SLFN5: variants seen among roughly 807,000 people sequenced by gnomAD.
The protein encoded by SLFN5 is schlafen family member 5.
A neutral mutation model predicts 48.5 loss-of-function variants in SLFN5; 34 were observed. That is an observed-to-expected ratio of 0.70 (90% CI 0.53 to 0.93). The LOEUF (loss-of-function observed/expected upper bound fraction) is 0.93. Ranked by LOEUF, SLFN5 falls within the 40% of genes least tolerant of loss-of-function variation. The pLI is 0.00. For missense variants in SLFN5, 1,006 were observed against 1,071.3 expected, an observed-to-expected ratio of 0.94 and a Z score of 0.85; for synonymous variants, 387 against 396.2, an observed-to-expected ratio of 0.98 and a Z score of 0.28.
At position 35,265,168 on chromosome 17, in the gene SLFN5, G is replaced by C; in HGVS notation, c.1956G>C (p.Gln652His). 1.9e-6 allele frequency: 3 copies of C among 1,614,174 alleles called. No individual in the cohort carries two copies. Among genetic ancestry groups the C allele is most frequent in the Non-Finnish European group, 2.5e-6 (3 of 1,180,026 alleles). The change falls in exon 5 of 5, where the codon CAG (glutamine) becomes CAC (histidine). Residue 652 changes from glutamine to histidine, a missense_variant. Physicochemically the swap from Gln to His is conservative, Grantham distance 24. Coordinates refer to ENST00000299977, the MANE Select transcript of SLFN5 (RefSeq NM_144975.4). ...HIQHIIIDDA[Q>H]NFRTEDGDWY... Reference sequence around the variant, plus strand: ...AGCACATTATCATTGATGACGCTCAGAATTTCCGTACTGAAGATGGGGACT... The same window carrying C: ...AGCACATTATCATTGATGACGCTCACAATTTCCGTACTGAAGATGGGGACT...
In SLFN5 at chr17:35,261,142, T is replaced by G. The variant is rs186973874; in HGVS notation, c.1138+46T>G. The G allele has an allele frequency of 4.0e-4, 629 of 1,590,228 alleles. 3 individuals are homozygous for G. The East Asian group carries it at 0.012, about 30-fold the overall frequency. ...GCTTTGGAATATGTTGATTGTTCAT[T>G]CATATAAAAAATTGACTCCTACTTT... On this transcript the variant is annotated intron_variant, in intron 3 of 4. Coordinates refer to ENST00000299977, the MANE Select transcript of SLFN5 (RefSeq NM_144975.4).
intron 1 of SLFN5, among the ~76,000 whole-genome samples, chr17:35,251,169 G>C (rs140575984): frequency 6.6e-6 from 1 of 152,170 alleles, no homozygotes; most frequent in Non-Finnish European, 1.5e-5. Flanking sequence ...CTATTTGTGC[G>C]AGAGCGATGT....
At chr17:35,244,135 A>G (rs779378154) in intron 1 of SLFN5, among the ~76,000 whole-genome samples, 2 of 152,164 alleles carry the variant, frequency 1.3e-5, no homozygotes, top group Non-Finnish European at 2.9e-5. Context: ...CTCCTGCTTG[A>G]CAAAGAAACG....
chr17:35,251,703 CTTTTTT>C lies in SLFN5; in HGVS notation c.-40-6926_-40-6921del, dbSNP rs34854448. Among the ~76,000 whole-genome samples the C allele has an allele frequency of 4.0e-4, 34 of 84,990 alleles. 1 individual carries two copies. The highest frequency in any genetic ancestry group is 2.4e-3 in the South Asian group (5 of 2,076). 55.8% of individuals were successfully genotyped at this position (84,990 alleles called of 152,430 possible). ...ACAGGCATGAGCCATGGCGCCCGGA[CTTTTTT>C]TTTTTTTTTTTTTTTTTTTTTAAAG... On this transcript the variant is annotated intron_variant, in intron 1 of 4. Coordinates refer to ENST00000299977, the MANE Select transcript of SLFN5 (RefSeq NM_144975.4).
Position 35,264,453 on chromosome 17 carries a change from T to C in SLFN5, c.1409T>C (p.Val470Ala). The change falls in exon 4 of 5, where the codon GTT (valine) becomes GCT (alanine). Residue 470 changes from valine to alanine, a missense_variant. Val to Ala is a moderately conservative substitution (Grantham distance 64, BLOSUM62 0). Transcript: ENST00000299977. ...GGGTGCAAGGGCTATTCTATGATAG[T>C]TGCCTATTCTTTGAAGCAGAAGCTG... is the stretch of plus-strand genomic sequence containing the variant. ...DAGCKGYSMIVAYSLKQKLVN... is the reference protein window; with the variant it reads ...DAGCKGYSMIAAYSLKQKLVN... The C allele has an allele frequency of 6.2e-7, 1 of 1,614,156 alleles. No homozygotes were observed. Among genetic ancestry groups the C allele is most frequent in the Non-Finnish European group, 8.5e-7 (1 of 1,180,032 alleles).
At chr17:35,243,715 A>C (rs1185030761) in intron 1 of SLFN5, among the ~76,000 whole-genome samples, 2 of 152,186 alleles carry the variant, frequency 1.3e-5, no homozygotes, top group Non-Finnish European at 2.9e-5. Context: ...AGTTGGTCAT[A>C]TCCGCAGTGG....
chr17:35,261,158 C>G, intron 3 of SLFN5, 62 bp downstream of exon 3: 1 of 1,575,346 alleles, frequency 6.3e-7, no homozygotes, highest in South Asian at 1.1e-5. Context: ...AAAAAATTGA[C>G]TCCTACTTTA....
rs1247921609 is a variant in SLFN5 at position 35,264,606 on chromosome 17, TGACC to T, written c.1563_1566del (p.Met521IlefsTer13). On this transcript the variant is annotated frameshift_variant, in exon 4 of 5. Coordinates refer to ENST00000299977, the MANE Select transcript of SLFN5 (RefSeq NM_144975.4). LOFTEE classifies it high-confidence loss of function. ...ATTTACCCTGAATCCTATAACTTCA[TGACC>T]CCCCAGCACATGGAAGCCCTGTTAC... 1 of 1,614,110 alleles carries T rather than the reference TGACC, an allele frequency of 6.2e-7. No individual in the cohort carries two copies. Among genetic ancestry groups the T allele is most frequent in the African/African-American group, 1.3e-5 (1 of 74,942 alleles).
rs1053760431 is a variant in SLFN5, at chr17:35,267,064, T to C, written c.*1176T>C. ...GAATTGGTTTATTTCTGGCAGCTACTTACAATATTAAGAACTTTACTTTTT... is the reference window on the plus strand; with the variant it reads ...GAATTGGTTTATTTCTGGCAGCTACCTACAATATTAAGAACTTTACTTTTT... On this transcript the variant is annotated 3_prime_UTR_variant, in exon 5 of 5. Coordinates refer to ENST00000299977, the MANE Select transcript of SLFN5 (RefSeq NM_144975.4). 15 of 152,214 alleles carry C rather than the reference T, an allele frequency of 9.9e-5. No individual in the cohort carries two copies. Among genetic ancestry groups the C allele is most frequent in the Admixed American group, 2.0e-4 (3 of 15,280 alleles). The allele number at this position is 152,214 out of a possible 1,614,324, so 9.4% of individuals were successfully genotyped here.
chr17:35,252,394 G>A (rs181654119), intron 1 of SLFN5, among the ~76,000 whole-genome samples: 156 of 152,218 alleles, frequency 1.0e-3, no homozygotes, highest in Non-Finnish European at 1.1e-3. Flanking sequence ...CTGCACTCCA[G>A]CCTGGGTGAC....
In SLFN5 at chr17:35,260,775, G is replaced by A. The variant is rs114257558; in HGVS notation, c.1013-196G>A. On this transcript the variant is annotated intron_variant, in intron 2 of 4. Coordinates refer to ENST00000299977, the MANE Select transcript of SLFN5 (RefSeq NM_144975.4). The stretch of plus-strand genomic sequence containing the variant: ...TGTTTTGACATAATAAAATTAAAAA[G>A]TGTTGCTTTATGCTAGGTTATTTTT... Among the ~76,000 whole-genome samples, 786 of 152,252 alleles carry A rather than the reference G, an allele frequency of 5.2e-3. 13 individuals carry two copies. The highest frequency in any genetic ancestry group is 0.035 in the South Asian group (171 of 4,818).
intron 1 of SLFN5, among the ~76,000 whole-genome samples, chr17:35,247,000 A>G (rs2092432339): frequency 6.6e-6 from 1 of 152,156 alleles, no homozygotes; most frequent in Non-Finnish European, 1.5e-5. Flanking sequence ...TCTGGCCAGG[A>G]CATATGCAAA....
chr17:35,265,831 G>A lies in SLFN5; in HGVS notation c.2619G>A (p.Leu873=), dbSNP rs1239089217. Residue 873 remains leucine (L), a synonymous_variant, in exon 5 of 5, where the codon CTG becomes CTA. Transcript: ENST00000299977. ...VAPPAGAYNL[L]LCLASRAKRH... is the part of the protein sequence containing the mutation. ...CACCGGCTGGGGCCTACAATCTTCT[G>A]CTCTGTTTGGCTTCTAGGGCAAAAA... 2 of 1,613,652 alleles carry A rather than the reference G, an allele frequency of 1.2e-6. No homozygotes were observed. Among genetic ancestry groups the A allele is most frequent in the South Asian group, 2.2e-5 (2 of 90,994 alleles).
chr17:35,261,852 C>T (rs1320611677), intron 3 of SLFN5, among the ~76,000 whole-genome samples: 1 of 150,660 alleles, frequency 6.6e-6, no homozygotes, highest in Non-Finnish European at 1.5e-5. Context: ...ATTTTTTTTG[C>T]ATTTTCAGTA....
rs1904785705 is a variant in SLFN5 at position 35,269,680 on chromosome 17, A to G, written c.*3792A>G. On this transcript the variant is annotated 3_prime_UTR_variant, in exon 5 of 5. Coordinates refer to ENST00000299977, the MANE Select transcript of SLFN5 (RefSeq NM_144975.4). ...GGTTAAATTACAGTGAGAGAGTTGC[A>G]CTTATTTAGTTTGCATACCGTACTC... The G allele has an allele frequency of 6.6e-6, 1 of 152,184 alleles. No individual in the cohort carries two copies. Among genetic ancestry groups the G allele is most frequent in the African/African-American group, 2.4e-5 (1 of 41,430 alleles). The allele number at this position is 152,184 out of a possible 1,614,324, so 9.4% of individuals were successfully genotyped here. A position where few individuals can be genotyped will look rare whatever the true frequency, so the allele number is the denominator to read the frequency against.
In SLFN5 at chr17:35,270,749, C is replaced by T. The variant is rs1904810710; in HGVS notation, c.*4861C>T. On this transcript the variant is annotated 3_prime_UTR_variant, in exon 5 of 5. Coordinates refer to ENST00000299977, the MANE Select transcript of SLFN5 (RefSeq NM_144975.4). ...TTAGCAGCATCCTTGGCCCTACTCC[C>T]TAGACGCCAGTAGCAAATCCACCAC... The T allele has an allele frequency of 6.6e-6, 1 of 152,158 alleles. No individual in the cohort carries two copies. The highest frequency in any genetic ancestry group is 2.4e-5 in the African/African-American group (1 of 41,434). The allele number at this position is 152,158 out of a possible 1,614,324, so 9.4% of individuals were successfully genotyped here. A position where few individuals can be genotyped will look rare whatever the true frequency, so the allele number is the denominator to read the frequency against.
intron 3 of SLFN5, among the ~76,000 whole-genome samples, chr17:35,263,811 CAA>C (rs370619332): frequency 3.3e-5 from 4 of 122,356 alleles, no homozygotes; most frequent in African/African-American, 6.3e-5. Context: ...GACTCCATCT[CAA>C]AAAAAAAAAA....
rs1325799962 is a variant in SLFN5, at chr17:35,269,262, A to C, written c.*3374A>C. Reference sequence around the variant, plus strand: ...GGACCCATGAATCATTCTTGAAGAAAAGTTACTCAGTAAGGAAATCTAGCT... The same window carrying C: ...GGACCCATGAATCATTCTTGAAGAACAGTTACTCAGTAAGGAAATCTAGCT... On this transcript the variant is annotated 3_prime_UTR_variant, in exon 5 of 5. Coordinates refer to ENST00000299977, the MANE Select transcript of SLFN5 (RefSeq NM_144975.4). The C allele has an allele frequency of 6.6e-6, 1 of 152,236 alleles. No individual in the cohort carries two copies. Among genetic ancestry groups the C allele is most frequent in the African/African-American group, 2.4e-5 (1 of 41,466 alleles). The allele number at this position is 152,236 out of a possible 1,614,324, so 9.4% of individuals were successfully genotyped here.
chr17:35,259,181 A>G lies in SLFN5; in HGVS notation c.491A>G (p.Tyr164Cys). The change falls in exon 2 of 5, where the codon TAT (tyrosine) becomes TGT (cysteine). Residue 164 changes from tyrosine (Y) to cysteine (C), a missense_variant. By Grantham distance (194) the Tyr-to-Cys change is radical. Coordinates refer to ENST00000299977, the MANE Select transcript of SLFN5 (RefSeq NM_144975.4). The stretch of plus-strand genomic sequence containing the variant: ...CAGGCAGCTCAGGGTAGTGTACAAT[A>G]TGAAGGTAACATAAATGTGTCAGCT... The part of the protein sequence containing the change: ...GPQAAQGSVQ[Y>C]EGNINVSAAA... The G allele has an allele frequency of 4.3e-6, 7 of 1,614,126 alleles. No individual in the cohort carries two copies. The highest frequency in any genetic ancestry group is 5.9e-6 in the Non-Finnish European group (7 of 1,180,032).
Sources: gnomAD v4.1 joint callset for allele counts (sites outside exome capture counted in the v4.1 genomes callset) on GRCh38, gnomAD v4.1.1 for gene constraint, MANE v1.5 for transcripts, NCBI Gene and HGNC (gene_info 2026-07-23, HGNC 2026-07-21) for gene names.